Variants in MEF2A observed in about 807,000 individuals in gnomAD.
MEF2A encodes the protein myocyte-specific enhancer factor 2A.
A neutral mutation model predicts 55.8 loss-of-function variants in MEF2A; 28 were observed. That is an observed-to-expected ratio of 0.50 (90% confidence interval 0.37 to 0.69). The LOEUF (loss-of-function observed/expected upper bound fraction) is 0.69. Among genes scored for constraint, MEF2A ranks in the 30% least tolerant of loss-of-function variants. The probability of loss-of-function intolerance (pLI) is 0.00; values close to 1 mark genes in which losing one functional copy is unlikely to be tolerated. For synonymous variants in MEF2A, 239 were observed against 227.1 expected, an observed-to-expected ratio of 1.05 and a Z score of -0.47; for missense variants, 528 against 626.2, an observed-to-expected ratio of 0.84 and a Z score of 1.67.
intron 4 of MEF2A, among the ~76,000 whole-genome samples, chr15:99,666,079 A>G (rs1303945031): frequency 2.6e-5 from 4 of 152,194 alleles, no homozygotes; most frequent in Non-Finnish European, 4.4e-5. Context: ...CAGTAATGCC[A>G]TTACTGAATA....
intron 8 of MEF2A, among the ~76,000 whole-genome samples, chr15:99,698,409 A>C (rs2056835898): frequency 6.6e-6 from 1 of 152,248 alleles, no homozygotes; most frequent in Admixed American, 6.5e-5. Context: ...TAAGTGTATG[A>C]AAATATGCTC....
chr15:99,601,807 TTGTG>T (rs56729766), intron 2 of MEF2A, among the ~76,000 whole-genome samples: 2,862 of 138,822 alleles, frequency 0.021, 82 homozygotes, highest in African/African-American at 0.065. Context: ...TTTGTCTGTT[TTGTG>T]TGTGTGTGTG....
intron 1 of MEF2A, among the ~76,000 whole-genome samples, chr15:99,590,113 A>G (rs567858954): frequency 3.9e-5 from 6 of 152,124 alleles, no homozygotes; most frequent in African/African-American, 1.4e-4. Flanking sequence ...GTAATTGTAG[A>G]TATCTATTTC....
chr15:99,679,483 T>A (rs1014144714), intron 7 of MEF2A, among the ~76,000 whole-genome samples: 7 of 152,216 alleles, frequency 4.6e-5, no homozygotes, highest in Admixed American at 1.3e-4. Context: ...TCTAACTATA[T>A]AAAGTTTGAA....
intron 8 of MEF2A, among the ~76,000 whole-genome samples, chr15:99,697,686 T>G (rs2056707839): frequency 6.6e-6 from 1 of 152,172 alleles, no homozygotes. Flanking sequence ...AAACACAATT[T>G]CAAAATCCCA....
chr15:99,639,504 A>G (rs754477515), intron 3 of MEF2A, among the ~76,000 whole-genome samples: 13 of 152,178 alleles, frequency 8.5e-5, no homozygotes, highest in Non-Finnish European at 1.6e-4. Flanking sequence ...TGTTGTTTCT[A>G]ATTTTTTACT....
At chr15:99,642,250 T>C (rs1245012598) in intron 3 of MEF2A, among the ~76,000 whole-genome samples, 5 of 152,140 alleles carry the variant, frequency 3.3e-5, no homozygotes, top group African/African-American at 9.7e-5. Context: ...GTCACTCACT[T>C]CCTTCCTTGG....
intron 8 of MEF2A, chr15:99,690,791 T>C: frequency 7.6e-6 from 3 of 393,338 alleles, no homozygotes; most frequent in South Asian, 5.8e-5. Context: ...TAGCAGAGGC[T>C]GGGAAGGGTG....
chr15:99,569,591 A>C (rs1376514026), intron 1 of MEF2A, among the ~76,000 whole-genome samples: 5 of 152,178 alleles, frequency 3.3e-5, no homozygotes, highest in East Asian at 3.8e-4. Flanking sequence ...ATTCAAGTTA[A>C]ATATAAATAG....
At chr15:99,626,050 G>T (rs1843746721) in intron 2 of MEF2A, among the ~76,000 whole-genome samples, 1 of 152,028 alleles carries the variant, frequency 6.6e-6, no homozygotes, top group Non-Finnish European at 1.5e-5. Context: ...TTAATTGTTT[G>T]GTAGAATTCA....
At chr15:99,658,558 C>T (rs2048119670) in intron 4 of MEF2A, among the ~76,000 whole-genome samples, 1 of 151,378 alleles carries the variant, frequency 6.6e-6, no homozygotes, top group Admixed American at 6.6e-5. Context: ...GAAAGCCCAC[C>T]ATCCTTAGAT....
At chr15:99,661,413 GTT>G (rs201573554) in intron 4 of MEF2A, among the ~76,000 whole-genome samples, 9 of 129,580 alleles carry the variant, frequency 6.9e-5, no homozygotes, top group Non-Finnish European at 8.3e-5. Context: ...AAAGATAAGC[GTT>G]TTTTTTTTTT....
intron 4 of MEF2A, among the ~76,000 whole-genome samples, chr15:99,651,938 G>T (rs995094648): frequency 6.6e-6 from 1 of 152,090 alleles, no homozygotes; most frequent in Non-Finnish European, 1.5e-5. Flanking sequence ...TACATTTCTT[G>T]TGATTATTGA....
chr15:99,591,578 A>C (rs1447263677), intron 1 of MEF2A, among the ~76,000 whole-genome samples: 1 of 151,694 alleles, frequency 6.6e-6, no homozygotes, highest in Non-Finnish European at 1.5e-5. Flanking sequence ...TCAAATTTGG[A>C]CCTTTTTCTG....
chr15:99,625,906 A>T (rs1476028036), intron 2 of MEF2A, among the ~76,000 whole-genome samples: 3 of 152,052 alleles, frequency 2.0e-5, no homozygotes, highest in Non-Finnish European at 4.4e-5. Flanking sequence ...GTCTATTCAT[A>T]GGGTATATTG....
intron 8 of MEF2A, among the ~76,000 whole-genome samples, chr15:99,699,182 A>C (rs2056986507): frequency 6.6e-6 from 1 of 152,250 alleles, no homozygotes; most frequent in Non-Finnish European, 1.5e-5. Flanking sequence ...TGAAACACTG[A>C]AACTAGCCTA....
chr15:99,678,695 C>T, intron 7 of MEF2A: 1 of 983,388 alleles, frequency 1.0e-6, no homozygotes, highest in Non-Finnish European at 1.2e-6. Flanking sequence ...TTTTAAAGCA[C>T]TGAACGAACT....
chr15:99,627,368 C>A (rs918932473), intron 2 of MEF2A, among the ~76,000 whole-genome samples: 1 of 134,248 alleles, frequency 7.4e-6, no homozygotes, highest in Non-Finnish European at 1.5e-5. Context: ...TTCAGTGAGC[C>A]GAGATCACGC....
intron 1 of MEF2A, among the ~76,000 whole-genome samples, chr15:99,597,612 G>A (rs1047122044): frequency 3.3e-5 from 5 of 151,820 alleles, no homozygotes; most frequent in East Asian, 3.9e-4. Flanking sequence ...ACACCTATTC[G>A]CACACTCCCT....
Sources: allele counts gnomAD v4.1 joint callset (sites outside exome capture counted in the v4.1 genomes callset), GRCh38; gene constraint gnomAD v4.1.1; transcripts MANE v1.5; gene names NCBI Gene and HGNC (gene_info 2026-07-23, HGNC 2026-07-21).